CNTN5: variants seen among roughly 807,000 people sequenced by gnomAD.
The protein encoded by CNTN5 is contactin-5.
In CNTN5, 77 loss-of-function variants were observed where a neutral mutation model predicts 129.1. The ratio of observed to expected loss-of-function variants is 0.60; its 90% confidence interval spans 0.50 to 0.72. The LOEUF is 0.72. CNTN5 is among the 30% of genes least tolerant of loss of function. CNTN5 has a pLI of 0.00. For missense variants in CNTN5, 1,478 were observed against 1,328.8 expected, an observed-to-expected ratio of 1.11 and a Z score of -1.75; for synonymous variants, 509 against 465.6, an observed-to-expected ratio of 1.09 and a Z score of -1.20.
At chr11:99,045,791 G>T (rs1864180386) in intron 1 of CNTN5, among the ~76,000 whole-genome samples, 1 of 152,134 alleles carries the variant, frequency 6.6e-6, no homozygotes, top group South Asian at 2.1e-4. Context: ...ATAATTTAAA[G>T]AAATCTCACT....
At chr11:100,039,166 A>G (rs912309450) in intron 9 of CNTN5, among the ~76,000 whole-genome samples, 6 of 152,120 alleles carry the variant, frequency 3.9e-5, no homozygotes, top group African/African-American at 9.7e-5. Context: ...CAGGCCTGGT[A>G]GTGACAAAAT....
chr11:99,460,715 A>G (rs112882702), intron 2 of CNTN5, among the ~76,000 whole-genome samples: 1,873 of 152,094 alleles, frequency 0.012, 42 homozygotes, highest in African/African-American at 0.042. Context: ...CAGATACTGA[A>G]AATCAGGAAA....
chr11:100,308,356 C>A lies in CNTN5; in HGVS notation c.2621-3C>A, dbSNP rs1414309168. The A allele has an allele frequency of 4.4e-6, 7 of 1,608,346 alleles. No homozygotes were observed. The East Asian group carries it at 1.1e-4, about 26-fold the overall frequency. On this transcript the variant is annotated splice_region_variant and splice_polypyrimidine_tract_variant and intron_variant, in intron 20 of 24. Coordinates refer to ENST00000524871, the MANE Select transcript of CNTN5 (RefSeq NM_014361.4). ...TAATTGTGGTTTATTTTCCTTCATA[C>A]AGAACCCAGTGCTGCTCCCACAGAT...
At chr11:99,835,889 T>C (rs558806311) in intron 4 of CNTN5, among the ~76,000 whole-genome samples, 1 of 152,232 alleles carries the variant, frequency 6.6e-6, no homozygotes, top group South Asian at 2.1e-4. Context: ...AGCAAGACTA[T>C]GTAATATTGT....
intron 6 of CNTN5, among the ~76,000 whole-genome samples, chr11:99,908,846 G>A (rs1387392238): frequency 6.6e-6 from 1 of 152,066 alleles, no homozygotes; most frequent in Admixed American, 6.6e-5. Flanking sequence ...TTTTTCAAGG[G>A]AAGCATATGC....
In CNTN5 at chr11:99,938,564, A is replaced by T. The variant is rs142424285; in HGVS notation, c.674-18242A>T. 1.3e-3 allele frequency among the ~76,000 whole-genome samples: 192 copies of T among 152,192 alleles called. 2 individuals are homozygous for T. In the East Asian group the frequency reaches 0.028, roughly 22 times the overall value. On this transcript the variant is annotated intron_variant, in intron 7 of 24. Coordinates refer to ENST00000524871, the MANE Select transcript of CNTN5 (RefSeq NM_014361.4). ...TTTTAAGCCATGGTAAATGGGAGAA[A>T]ATAGAGTATTAATTCAATACCAGTT... is the stretch of plus-strand genomic sequence containing the variant.
chr11:99,822,273 G>A (rs577102977), intron 4 of CNTN5, among the ~76,000 whole-genome samples: 22 of 152,266 alleles, frequency 1.4e-4, no homozygotes, highest in African/African-American at 5.1e-4. Context: ...ACAACTTGGA[G>A]AAACCTTCCC....
intron 8 of CNTN5, among the ~76,000 whole-genome samples, chr11:99,977,126 C>G (rs139895114): frequency 9.1e-4 from 138 of 152,184 alleles, no homozygotes; most frequent in African/African-American, 3.1e-3. Flanking sequence ...AGGTCAGAGG[C>G]AAAATACCAC....
intron 1 of CNTN5, among the ~76,000 whole-genome samples, chr11:99,210,530 A>G (rs890336903): frequency 6.6e-6 from 1 of 152,122 alleles, no homozygotes; most frequent in Non-Finnish European, 1.5e-5. Context: ...AGAGATTGGG[A>G]AGTAAGAATT....
intron 1 of CNTN5, among the ~76,000 whole-genome samples, chr11:99,241,552 G>A (rs1189881707): frequency 1.3e-5 from 2 of 151,836 alleles, no homozygotes; most frequent in Non-Finnish European, 2.9e-5. Context: ...TTAGTTATAA[G>A]GTTACATATA....
At position 99,382,846 on chromosome 11, in the gene CNTN5, T is replaced by C. The variant is rs12787491; in HGVS notation, c.-71+57362T>C. Among the ~76,000 whole-genome samples, 31 of 46,756 alleles carry C rather than the reference T, an allele frequency of 6.6e-4. No homozygotes were observed. The East Asian group carries it at 0.011, about 16-fold the overall frequency. The allele number at this position is 46,756 out of a possible 152,430, so 30.7% of individuals were successfully genotyped here. ...CATCTCACTAGTGTCTCTAAATAACTTTTTTTTTTTTTTTTTTTTTTTTTT... is the reference window on the plus strand; with the variant it reads ...CATCTCACTAGTGTCTCTAAATAACCTTTTTTTTTTTTTTTTTTTTTTTTT... On this transcript the variant is annotated intron_variant, in intron 2 of 24. Coordinates refer to ENST00000524871, the MANE Select transcript of CNTN5 (RefSeq NM_014361.4).
intron 1 of CNTN5, among the ~76,000 whole-genome samples, chr11:99,283,525 G>A (rs1314634984): frequency 6.6e-6 from 1 of 152,072 alleles, no homozygotes; most frequent in South Asian, 2.1e-4. Flanking sequence ...GAATCATTCA[G>A]TCCACTTTTA....
At chr11:99,132,316 T>G (rs1051356677) in intron 1 of CNTN5, among the ~76,000 whole-genome samples, 16 of 152,140 alleles carry the variant, frequency 1.1e-4, no homozygotes, top group African/African-American at 2.4e-4. Flanking sequence ...GGGCAACAGC[T>G]GGAAGCATTC....
chr11:99,659,202 G>A (rs1457285981), intron 3 of CNTN5, among the ~76,000 whole-genome samples: 1 of 152,108 alleles, frequency 6.6e-6, no homozygotes, highest in Non-Finnish European at 1.5e-5. Context: ...GGACCTCTGA[G>A]AAGCAGAGAA....
chr11:100,025,252 G>C (rs755753734), intron 9 of CNTN5, among the ~76,000 whole-genome samples: 3 of 152,186 alleles, frequency 2.0e-5, no homozygotes, highest in Non-Finnish European at 4.4e-5. Context: ...CCCAAGCCTT[G>C]GTGGCTTACA....
In CNTN5 at chr11:99,367,330, A is replaced by G. The variant is rs938844398; in HGVS notation, c.-71+41846A>G. Among the ~76,000 whole-genome samples, 6 of 151,658 alleles carry G rather than the reference A, an allele frequency of 4.0e-5. No homozygotes were observed. In the South Asian group the frequency reaches 8.3e-4, roughly 21 times the overall value. ...AAAAACAACTATTCATGAAATTTAA[A>G]TGGTTTGAAACAGTTTTTTTTTTAA... On this transcript the variant is annotated intron_variant, in intron 2 of 24. Transcript: ENST00000524871.
intron 18 of CNTN5, among the ~76,000 whole-genome samples, chr11:100,282,013 TTTA>T (rs1293932869): frequency 2.0e-5 from 3 of 151,788 alleles, no homozygotes; most frequent in African/African-American, 7.3e-5. Flanking sequence ...TTTTTTTTTT[TTTA>T]CTTTCCTCAT....
intron 1 of CNTN5, among the ~76,000 whole-genome samples, chr11:99,247,497 C>T (rs1861871386): frequency 6.6e-6 from 1 of 151,778 alleles, no homozygotes; most frequent in African/African-American, 2.4e-5. Context: ...TTTTAGGGTA[C>T]ATGTGCACAA....
chr11:99,049,573 A>AT (rs1465705700), intron 1 of CNTN5: 3 of 152,056 alleles, frequency 2.0e-5, no homozygotes, highest in Non-Finnish European at 2.9e-5. Context: ...AGTAATAATA[A>AT]TTTTTTTCAA....
Sources: gnomAD v4.1 joint callset for allele counts (sites outside exome capture counted in the v4.1 genomes callset) on GRCh38, gnomAD v4.1.1 for gene constraint, MANE v1.5 for transcripts, NCBI Gene and HGNC (gene_info 2026-07-23, HGNC 2026-07-21) for gene names.